Variants in DZANK1 observed in about 807,000 individuals in gnomAD.
DZANK1 encodes double zinc ribbon and ankyrin repeat domains 1.
Under a neutral mutation model 94.5 loss-of-function variants are expected in DZANK1, and 91 were observed. The ratio of observed to expected loss-of-function variants is 0.96; its 90% CI spans 0.81 to 1.15. The LOEUF is 1.15. Among genes scored for constraint, DZANK1 ranks in the 50% most tolerant of loss-of-function variants. The pLI, the probability that DZANK1 is intolerant of heterozygous loss-of-function variation, is 0.00. For synonymous variants in DZANK1, 312 were observed against 325.3 expected (o/e 0.96, Z 0.44); for missense variants, 903 against 916.4 (o/e 0.99, Z 0.19).
chr20:18,399,953 C>T (rs1168906786), intron 13 of DZANK1, among the ~76,000 whole-genome samples: 1 of 152,216 alleles, frequency 6.6e-6, no homozygotes, highest in East Asian at 1.9e-4. Flanking sequence ...GGTCATGCAG[C>T]ATGGTTCAGT....
rs1300062757 is a variant in DZANK1 at position 18,415,300 on chromosome 20, A to G, written c.1077+27T>C. The stretch of plus-strand genomic sequence containing the variant: ...AGGCCAGTGGTGAGGTGCTCAGTAT[A>G]CAGAATCTCAGTTTTAAAATACCCA... On this transcript the variant is annotated intron_variant, in intron 11 of 20. Coordinates refer to ENST00000262547, the Ensembl canonical transcript of DZANK1. 3 of 1,508,932 alleles carry G rather than the reference A, an allele frequency of 2.0e-6. No homozygotes were observed. The African/African-American group carries it at 4.2e-5, about 21-fold the overall frequency. 93.5% of individuals were successfully genotyped at this position (1,508,932 alleles called of 1,614,324 possible).
At chr20:18,419,261 CAA>C (rs61274655) in intron 10 of DZANK1, among the ~76,000 whole-genome samples, 7 of 78,006 alleles carry the variant, frequency 9.0e-5, no homozygotes, top group African/African-American at 1.4e-4. Context: ...GACTCCATCT[CAA>C]AAAAAAAAAA....
At chr20:18,389,937 A>G (rs2055865595) in intron 18 of DZANK1, 109 bp from the exon 19 acceptor site, 1 of 1,500,582 alleles carries the variant, frequency 6.7e-7, no homozygotes, top group Non-Finnish European at 9.0e-7. Context: ...TGATGCAACT[A>G]AAGTGCTTTC....
intron 9 of DZANK1, among the ~76,000 whole-genome samples, chr20:18,428,334 G>T (rs57855732): frequency 0.11 from 17,355 of 151,520 alleles, 1,570 homozygotes; most frequent in East Asian, 0.53. Context: ...GACTAGAGGC[G>T]CATGCCACTA....
intron 6 of DZANK1, chr20:18,451,776 C>T (rs981609234): frequency 1.8e-5 from 8 of 452,262 alleles, no homozygotes; most frequent in Admixed American, 2.5e-5. Context: ...CCCTCTCATC[C>T]GTCGGATCCC....
intron 13 of DZANK1, among the ~76,000 whole-genome samples, chr20:18,406,817 T>C (rs1012261913): frequency 6.6e-6 from 1 of 152,148 alleles, no homozygotes; most frequent in African/African-American, 2.4e-5. Context: ...GGGAGCCCAC[T>C]GCCCTGAAGG....
At position 18,415,726 on chromosome 20, in the gene DZANK1, T is replaced by C. The variant is rs1193851254; in HGVS notation, c.955-277A>G. ...TCTTAATATTTTTCAATATCTTTAATATCAGGGATAGCAAGCCCTACTGTT... is the reference window on the plus strand; with the variant it reads ...TCTTAATATTTTTCAATATCTTTAACATCAGGGATAGCAAGCCCTACTGTT... On this transcript the variant is annotated intron_variant, in intron 10 of 20. Transcript: ENST00000262547. Among the ~76,000 whole-genome samples the C allele has an allele frequency of 2.0e-5, 3 of 152,324 alleles. No individual in the cohort carries two copies. In the East Asian group the frequency reaches 5.8e-4, roughly 29 times the overall value.
chr20:18,390,535 T>G (rs1381549391), intron 17 of DZANK1, 76 bp from the exon 18 acceptor site: 1 of 1,418,334 alleles, frequency 7.1e-7, no homozygotes, highest in Non-Finnish European at 1.0e-6. Flanking sequence ...TTTCCAACAT[T>G]GAATTCTAAG....
At chr20:18,445,777 G>A (rs1245774171) in intron 7 of DZANK1, among the ~76,000 whole-genome samples, 2 of 151,976 alleles carry the variant, frequency 1.3e-5, no homozygotes, top group Admixed American at 1.3e-4. Context: ...TTTGTTTTGA[G>A]ACAGAGTCTT....
Position 18,412,628 on chromosome 20 carries a change from G to C in DZANK1, c.1432+18C>G. ...TGAATTCCCTCCCGACCAGAAGAAA[G>C]GGCATCCTCCCCCTTACCTCTTCCT... On this transcript the variant is annotated intron_variant, in intron 13 of 20. Transcript: ENST00000262547. The C allele has an allele frequency of 6.2e-7, 1 of 1,609,538 alleles. No individual in the cohort carries two copies. Among genetic ancestry groups the C allele is most frequent in the South Asian group, 1.1e-5 (1 of 90,942 alleles).
intron 17 of DZANK1, among the ~76,000 whole-genome samples, chr20:18,392,051 A>G (rs2056031398): frequency 6.6e-6 from 1 of 152,212 alleles, no homozygotes; most frequent in Non-Finnish European, 1.5e-5. Context: ...TGCCTGGTAC[A>G]CGTGTGCTCA....
intron 6 of DZANK1, chr20:18,451,964 T>G (rs1253469190): frequency 3.9e-6 from 2 of 517,012 alleles, no homozygotes. Context: ...GTGTCTTGCC[T>G]GCCAAACAGA....
chr20:18,393,110 G>C (rs1336117785), intron 17 of DZANK1, among the ~76,000 whole-genome samples: 1 of 152,144 alleles, frequency 6.6e-6, no homozygotes, highest in Admixed American at 6.5e-5. Flanking sequence ...GAAAGGAGAA[G>C]GGCAGAGCCT....
chr20:18,463,062 T>A (rs1229660754), intron 2 of DZANK1, among the ~76,000 whole-genome samples: 1 of 151,938 alleles, frequency 6.6e-6, no homozygotes, highest in Non-Finnish European at 1.5e-5. Flanking sequence ...CATGTACCCA[T>A]ATGTTCCTTA....
At chr20:18,421,081 A>G (rs2057757957) in intron 10 of DZANK1, 1 of 160,898 alleles carries the variant, frequency 6.2e-6, no homozygotes, top group Non-Finnish European at 1.4e-5. Context: ...AGAATATGCT[A>G]TTGGAAACCT....
chr20:18,401,766 T>C (rs1464808061), intron 13 of DZANK1, among the ~76,000 whole-genome samples: 2 of 152,226 alleles, frequency 1.3e-5, no homozygotes, highest in East Asian at 3.9e-4. Context: ...TGAACTTCTT[T>C]ACACAGTGCT....
chr20:18,405,864 A>C (rs2056935213), intron 13 of DZANK1, among the ~76,000 whole-genome samples: 1 of 152,238 alleles, frequency 6.6e-6, no homozygotes, highest in South Asian at 2.1e-4. Context: ...CAGGATGGAA[A>C]GAGAATGTGT....
chr20:18,418,143 A>G (rs2148482253), intron 10 of DZANK1, among the ~76,000 whole-genome samples: 1 of 152,214 alleles, frequency 6.6e-6, no homozygotes, highest in East Asian at 1.9e-4. Flanking sequence ...AGAAGCAGGT[A>G]GAGTTGCAGC....
chr20:18,452,987 G>A (rs1261401598), intron 5 of DZANK1, among the ~76,000 whole-genome samples: 17 of 152,136 alleles, frequency 1.1e-4, no homozygotes, highest in Admixed American at 1.1e-3. Context: ...TTCAGGCTGG[G>A]AAAACAGACA....
Sources: allele counts gnomAD v4.1 joint callset (sites outside exome capture counted in the v4.1 genomes callset), GRCh38; gene constraint gnomAD v4.1.1; transcripts MANE v1.5; gene names NCBI Gene and HGNC (gene_info 2026-07-23, HGNC 2026-07-21).